Variants in MGMT observed in about 807,000 individuals in gnomAD.
MGMT encodes methylated-DNA--protein-cysteine methyltransferase.
In MGMT, 14 loss-of-function variants were observed where a neutral mutation model predicts 15.9. That is an observed-to-expected ratio of 0.88 (90% CI 0.58 to 1.37). The LOEUF (loss-of-function observed/expected upper bound fraction) is 1.37. Among genes scored for constraint, MGMT ranks in the 40% most tolerant of loss-of-function variants. The pLI is 0.00. For synonymous variants in MGMT, 130 were observed against 118.2 expected (o/e 1.10, Z -0.65); for missense variants, 282 against 268.1 (o/e 1.05, Z -0.36).
chr10:129,619,682 C>T (rs944672917), intron 2 of MGMT, among the ~76,000 whole-genome samples: 1 of 152,040 alleles, frequency 6.6e-6, no homozygotes, highest in Admixed American at 6.6e-5. Context: ...TTCTTCATGA[C>T]TCAGTTTTGG....
chr10:129,681,758 G>T (rs1052831733), intron 2 of MGMT, among the ~76,000 whole-genome samples: 1 of 152,140 alleles, frequency 6.6e-6, no homozygotes, highest in Non-Finnish European at 1.5e-5. Context: ...GACTTGTGTA[G>T]GTGCAGATTT....
At chr10:129,764,303 C>T (rs1330576814) in intron 4 of MGMT, among the ~76,000 whole-genome samples, 2 of 152,260 alleles carry the variant, frequency 1.3e-5, no homozygotes, top group Admixed American at 1.3e-4. Context: ...CACCCGCTCC[C>T]AGGGGCTTTA....
At chr10:129,490,293 G>C (rs1281710051) in intron 1 of MGMT, among the ~76,000 whole-genome samples, 1 of 152,044 alleles carries the variant, frequency 6.6e-6, no homozygotes, top group African/African-American at 2.4e-5. Flanking sequence ...TGTTTATGTG[G>C]TTCCCATCCC....
In MGMT at chr10:129,770,535, C is replaced by G. The variant is rs971649845; in HGVS notation, c.*3538C>G. Among the ~76,000 whole-genome samples, 3 of 152,230 alleles carry G rather than the reference C, an allele frequency of 2.0e-5. No homozygotes were observed. Among genetic ancestry groups the G allele is most frequent in the Non-Finnish European group, 4.4e-5 (3 of 68,050 alleles). On this transcript the variant is annotated 3_prime_UTR_variant, in exon 5 of 5. Coordinates refer to ENST00000651593, the MANE Select transcript of MGMT (RefSeq NM_002412.5). ...CTGTCCATGCACCCGTAGCTGTGAC[C>G]ATGGGCGGTGGCGCCAGCTCGGACT...
chr10:129,668,409 C>T (rs976010912), intron 2 of MGMT, among the ~76,000 whole-genome samples: 1 of 152,088 alleles, frequency 6.6e-6, no homozygotes, highest in Non-Finnish European at 1.5e-5. Flanking sequence ...CTCACCTTTA[C>T]AGTTATGATT....
intron 3 of MGMT, among the ~76,000 whole-genome samples, chr10:129,728,015 A>C (rs1286092497): frequency 6.6e-6 from 1 of 152,268 alleles, no homozygotes; most frequent in South Asian, 2.1e-4. Context: ...CTCCAGGCCA[A>C]GAAGGCCATC....
At position 129,659,358 on chromosome 10, in the gene MGMT, G is replaced by GAAAAAA. The variant is rs10644344; in HGVS notation, c.126-48537_126-48536insAAAAAA. On this transcript the variant is annotated intron_variant, in intron 2 of 4. Coordinates refer to ENST00000651593, the MANE Select transcript of MGMT (RefSeq NM_002412.5). The surrounding 1 kb of genome is among the most constrained non-coding windows in gnomAD (Gnocchi z 4.1). ...GGTGGCAGAGCGAGACTCCCTGTGT[G>GAAAAAA]GAAAAAAAAAAAAAAGATACTCAGA... Among the ~76,000 whole-genome samples, 7 of 147,122 alleles carry GAAAAAA rather than the reference G, an allele frequency of 4.8e-5. No individual in the cohort carries two copies. Among genetic ancestry groups the GAAAAAA allele is most frequent in the African/African-American group, 1.3e-4 (5 of 37,888 alleles).
chr10:129,689,376 G>T (rs938360582), intron 2 of MGMT, among the ~76,000 whole-genome samples: 1 of 152,314 alleles, frequency 6.6e-6, no homozygotes, highest in African/African-American at 2.4e-5. Context: ...ACCCAACAGA[G>T]CTCCAGCTTC....
At chr10:129,657,653 G>A (rs1020516140) in intron 2 of MGMT, among the ~76,000 whole-genome samples, 2 of 144,460 alleles carry the variant, frequency 1.4e-5, no homozygotes, top group Admixed American at 6.9e-5. Flanking sequence ...CTGGGGGGGG[G>A]ACAGGCTGGC....
rs527789975 is a variant in MGMT at position 129,769,310 on chromosome 10, C to A, written c.*2313C>A. 3.3e-4 allele frequency: 51 copies of A among 152,394 alleles called. No homozygotes were observed. Among genetic ancestry groups the A allele is most frequent in the African/African-American group, 1.2e-3 (48 of 41,590 alleles). The allele number at this position is 152,394 out of a possible 1,614,324, so 9.4% of individuals were successfully genotyped here. On this transcript the variant is annotated 3_prime_UTR_variant, in exon 5 of 5. Transcript: ENST00000651593. ...CTCTGCCGAGGCCGACATGAAAAGCCAGCACGCGGGTCGCCTAGAGCCGCT... is the reference window on the plus strand; with the variant it reads ...CTCTGCCGAGGCCGACATGAAAAGCAAGCACGCGGGTCGCCTAGAGCCGCT...
intron 4 of MGMT, among the ~76,000 whole-genome samples, chr10:129,763,497 C>G (rs752911994): frequency 6.6e-6 from 1 of 152,162 alleles, no homozygotes; most frequent in African/African-American, 2.4e-5. Flanking sequence ...TGCCATCTGT[C>G]CTGGCCTCTG....
intron 4 of MGMT, among the ~76,000 whole-genome samples, chr10:129,762,438 C>G (rs967716110): frequency 6.6e-6 from 1 of 152,294 alleles, no homozygotes; most frequent in Admixed American, 6.5e-5. Context: ...GAGCTTTCCT[C>G]TATCCTAGGA....
intron 2 of MGMT, among the ~76,000 whole-genome samples, chr10:129,643,776 G>A (rs552792497): frequency 3.9e-5 from 6 of 152,172 alleles, no homozygotes; most frequent in African/African-American, 7.2e-5. Context: ...ACAACCCAAC[G>A]TGAATTTTGT....
At chr10:129,615,204 A>C (rs1182467062) in intron 2 of MGMT, among the ~76,000 whole-genome samples, 1 of 152,080 alleles carries the variant, frequency 6.6e-6, no homozygotes, top group Non-Finnish European at 1.5e-5. Context: ...TAATGTCTAG[A>C]AATTAGGTTT....
chr10:129,743,831 G>T (rs897669009), intron 3 of MGMT, among the ~76,000 whole-genome samples: 2 of 152,238 alleles, frequency 1.3e-5, no homozygotes, highest in African/African-American at 4.8e-5. Context: ...ATTGTGTCCA[G>T]ACTGGCTACA....
At chr10:129,494,611 T>G (rs1326040421) in intron 1 of MGMT, among the ~76,000 whole-genome samples, 3 of 152,250 alleles carry the variant, frequency 2.0e-5, no homozygotes, top group Admixed American at 6.5e-5. Flanking sequence ...CATTGGCTGC[T>G]GGGCACTTGA....
intron 1 of MGMT, among the ~76,000 whole-genome samples, chr10:129,522,726 G>A (rs1170060010): frequency 1.3e-5 from 2 of 152,208 alleles, no homozygotes; most frequent in African/African-American, 4.8e-5. Context: ...TCCTTGGTGG[G>A]GAGGGGTGTA....
chr10:129,584,366 A>G (rs1846593401), intron 2 of MGMT, among the ~76,000 whole-genome samples: 1 of 152,110 alleles, frequency 6.6e-6, no homozygotes, highest in African/African-American at 2.4e-5. Flanking sequence ...TTGCCAGCAC[A>G]CACGAATCAG....
chr10:129,516,052 G>C (rs184255951), intron 1 of MGMT, among the ~76,000 whole-genome samples: 109 of 152,314 alleles, frequency 7.2e-4, no homozygotes, highest in African/African-American at 2.3e-3. Context: ...GCCTCACTCT[G>C]TGCTGGTTCC....
Sources: allele counts gnomAD v4.1 joint callset (sites outside exome capture counted in the v4.1 genomes callset), GRCh38; gene constraint gnomAD v4.1.1; non-coding constraint Gnocchi (gnomAD v3.1); transcripts MANE v1.5; gene names NCBI Gene and HGNC (gene_info 2026-07-23, HGNC 2026-07-21).